The following KCNJ6 variants were observed in gnomAD, a reference collection of about 807,000 sequenced individuals.
KCNJ6 encodes potassium inwardly rectifying channel subfamily J member 6.
Under a neutral mutation model 34.2 loss-of-function variants are expected in KCNJ6, and 9 were observed. That is an observed-to-expected ratio of 0.26 (90% confidence interval 0.16 to 0.46). The LOEUF (loss-of-function observed/expected upper bound fraction) is 0.46, where lower values mean the gene tolerates loss of function less well. Ranked by LOEUF, KCNJ6 falls within the 20% of genes least tolerant of loss-of-function variation. The pLI, the probability that KCNJ6 is intolerant of heterozygous loss-of-function variation, is 1.00. For synonymous variants in KCNJ6, 196 were observed against 207.1 expected (o/e 0.95, Z 0.46); for missense variants, 236 against 531.3 (o/e 0.44, Z 5.46).
intron 1 of KCNJ6, among the ~76,000 whole-genome samples, chr21:37,848,700 C>T (rs1344711828): frequency 1.3e-5 from 2 of 152,268 alleles, no homozygotes; most frequent in Non-Finnish European, 2.9e-5. Flanking sequence ...AGCGTGAGTT[C>T]GTAGATGGCA....
At chr21:37,873,180 C>G (rs954925972) in intron 1 of KCNJ6, among the ~76,000 whole-genome samples, 9 of 152,154 alleles carry the variant, frequency 5.9e-5, no homozygotes, top group African/African-American at 1.9e-4. Context: ...TCACCCAGCA[C>G]AACATCACCA....
intron 3 of KCNJ6, among the ~76,000 whole-genome samples, chr21:37,711,962 A>G (rs2123448153): frequency 6.6e-6 from 1 of 152,352 alleles, no homozygotes; most frequent in East Asian, 1.9e-4. Context: ...AGAGGCAAGT[A>G]TCACTGTTAA....
At chr21:37,796,516 A>G (rs570163931) in intron 2 of KCNJ6, among the ~76,000 whole-genome samples, 7 of 152,144 alleles carry the variant, frequency 4.6e-5, no homozygotes, top group African/African-American at 1.7e-4. Context: ...CTCACTTGTT[A>G]GCCTCGGTTT....
chr21:37,894,933 T>C (rs2055780731), intron 1 of KCNJ6, among the ~76,000 whole-genome samples: 2 of 152,164 alleles, frequency 1.3e-5, no homozygotes, highest in South Asian at 2.1e-4. Context: ...CACAGTGTCA[T>C]ATTTTCTATT....
At chr21:37,672,048 T>G (rs1309021798) in intron 3 of KCNJ6, among the ~76,000 whole-genome samples, 3 of 152,138 alleles carry the variant, frequency 2.0e-5, no homozygotes, top group African/African-American at 7.2e-5. Flanking sequence ...TTCTGTTTCT[T>G]TTTTTTACTT....
intron 3 of KCNJ6, among the ~76,000 whole-genome samples, chr21:37,652,916 G>A (rs1445368399): frequency 6.6e-6 from 1 of 152,208 alleles, no homozygotes; most frequent in African/African-American, 2.4e-5. Context: ...TCCATTTGCT[G>A]AGAGGGAATG....
At chr21:37,820,343 G>A (rs911347936) in intron 2 of KCNJ6, among the ~76,000 whole-genome samples, 1 of 152,002 alleles carries the variant, frequency 6.6e-6, no homozygotes, top group African/African-American at 2.4e-5. Context: ...TAATTGTTTC[G>A]GATTGATCTG....
chr21:37,836,158 A>G (rs1434829398), intron 2 of KCNJ6, among the ~76,000 whole-genome samples: 4 of 152,234 alleles, frequency 2.6e-5, no homozygotes, highest in Non-Finnish European at 5.9e-5. Context: ...ATCACTGGTC[A>G]TTAGAGAAAT....
At chr21:37,687,238 G>C (rs142769574) in intron 3 of KCNJ6, among the ~76,000 whole-genome samples, 1 of 152,102 alleles carries the variant, frequency 6.6e-6, no homozygotes, top group African/African-American at 2.4e-5. Flanking sequence ...GTCCCAGCCG[G>C]TATCTCAGCA....
chr21:37,865,416 T>C (rs2055617882), intron 1 of KCNJ6, among the ~76,000 whole-genome samples: 1 of 152,232 alleles, frequency 6.6e-6, no homozygotes, highest in Non-Finnish European at 1.5e-5. Context: ...AGTTCTCAGC[T>C]GTCTGCATGG....
chr21:37,683,303 G>A (rs1270024576), intron 3 of KCNJ6, among the ~76,000 whole-genome samples: 4 of 152,172 alleles, frequency 2.6e-5, no homozygotes, highest in African/African-American at 2.4e-5. Context: ...AATGGCCCTG[G>A]TTACCAGCAA....
chr21:37,819,247 A>G (rs1276152222), intron 2 of KCNJ6, among the ~76,000 whole-genome samples: 2 of 61,118 alleles, frequency 3.3e-5, no homozygotes, highest in East Asian at 5.0e-4. Flanking sequence ...ATGCTCTGGG[A>G]AAAAAAAAAA....
chr21:37,814,896 C>CAAAAAAAA (rs3061049), intron 2 of KCNJ6, among the ~76,000 whole-genome samples: 1 of 69,194 alleles, frequency 1.4e-5, no homozygotes, highest in African/African-American at 5.1e-5. Flanking sequence ...GACTCTGTCT[C>CAAAAAAAA]AAAAAAAAAA....
At chr21:37,853,792 T>C (rs2055548905) in intron 1 of KCNJ6, among the ~76,000 whole-genome samples, 1 of 145,686 alleles carries the variant, frequency 6.9e-6, no homozygotes, top group African/African-American at 2.6e-5. Flanking sequence ...ATTTCTATGT[T>C]TCCCTTGAAT....
chr21:37,819,707 G>C (rs1274392263), intron 2 of KCNJ6, among the ~76,000 whole-genome samples: 2 of 151,896 alleles, frequency 1.3e-5, no homozygotes, highest in South Asian at 2.1e-4. Context: ...TGCTCTTACT[G>C]TTTATTTTCA....
chr21:37,685,326 T>C (rs1019131512), intron 3 of KCNJ6, among the ~76,000 whole-genome samples: 25 of 151,880 alleles, frequency 1.6e-4, no homozygotes, highest in African/African-American at 4.6e-4. Context: ...GGAGGGCAAT[T>C]TGGCAATATC....
intron 2 of KCNJ6, among the ~76,000 whole-genome samples, chr21:37,783,587 A>T (rs1231156542): frequency 6.6e-6 from 1 of 152,186 alleles, no homozygotes; most frequent in African/African-American, 2.4e-5. Context: ...TGTCAGCAAC[A>T]TGAAAATGGA....
At position 37,819,799 on chromosome 21, in the gene KCNJ6, C is replaced by CTTTT. The variant is rs60678115; in HGVS notation, c.25+20855_25+20858dup. 2.0e-3 allele frequency among the ~76,000 whole-genome samples: 300 copies of CTTTT among 148,532 alleles called. 2 individuals carry two copies. Among genetic ancestry groups the CTTTT allele is most frequent in the Admixed American group, 4.1e-3 (62 of 15,000 alleles). ...TGTCTAAGATGGAATGTTAAATACA[C>CTTTT]TTTTTTTTTTTTGAGATGGAGTTTC... On this transcript the variant is annotated intron_variant, in intron 2 of 3. Coordinates refer to ENST00000609713, the MANE Select transcript of KCNJ6 (RefSeq NM_002240.5).
intron 1 of KCNJ6, among the ~76,000 whole-genome samples, chr21:37,853,156 A>C (rs1180814747): frequency 2.0e-5 from 3 of 151,858 alleles, no homozygotes; most frequent in South Asian, 4.1e-4. Context: ...AAAAAAAAAA[A>C]AAAACAACTA....
Sources: gnomAD v4.1 joint callset for allele counts (sites outside exome capture counted in the v4.1 genomes callset) on GRCh38, gnomAD v4.1.1 for gene constraint, MANE v1.5 for transcripts, NCBI Gene and HGNC (gene_info 2026-07-23, HGNC 2026-07-21) for gene names.